KPNA5: variants seen among roughly 807,000 people sequenced by gnomAD.
KPNA5 encodes the protein importin subunit alpha-6.
A neutral mutation model predicts 71.3 loss-of-function variants in KPNA5; 46 were observed. That is an observed-to-expected ratio of 0.65 (90% confidence interval 0.51 to 0.83). The LOEUF (loss-of-function observed/expected upper bound fraction) is 0.83. KPNA5 is among the 40% of genes least tolerant of loss of function. KPNA5 has a pLI of 0.00. For missense variants in KPNA5, 547 were observed against 628.3 expected, an observed-to-expected ratio of 0.87 and a Z score of 1.38; for synonymous variants, 207 against 201.4, an observed-to-expected ratio of 1.03 and a Z score of -0.24.
intron 7 of KPNA5, among the ~76,000 whole-genome samples, chr6:116,705,771 A>G (rs886582779): frequency 6.6e-6 from 1 of 152,218 alleles, no homozygotes. Flanking sequence ...GAAGAAAAAT[A>G]CTAATCGAGG....
intron 7 of KPNA5, among the ~76,000 whole-genome samples, chr6:116,710,285 T>C (rs1313461613): frequency 6.6e-6 from 1 of 152,168 alleles, no homozygotes; most frequent in African/African-American, 2.4e-5. Flanking sequence ...TGTATGTATA[T>C]TCCGAAGAAA....
chr6:116,726,744 T>C, intron 12 of KPNA5, 122 bp downstream of exon 12: 1 of 887,482 alleles, frequency 1.1e-6, no homozygotes, highest in Non-Finnish European at 1.6e-6. Context: ...TAATATGAAA[T>C]GACAGCATGT....
intron 7 of KPNA5, among the ~76,000 whole-genome samples, chr6:116,715,784 C>G (rs1358401953): frequency 3.3e-5 from 5 of 151,910 alleles, no homozygotes; most frequent in Non-Finnish European, 1.5e-5. Context: ...GGCGTGGTGG[C>G]AGGCGCCTGT....
At chr6:116,701,905 A>G (rs1778244962) in intron 5 of KPNA5, 114 bp from the exon 6 acceptor site, 2 of 824,856 alleles carry the variant, frequency 2.4e-6, no homozygotes, top group South Asian at 2.1e-5. Context: ...GAATCTTAAT[A>G]TAAGTCAGTC....
At position 116,741,282 on chromosome 6, in the gene KPNA5, A is replaced by C. The variant is rs71570819; in HGVS notation, c.*8959A>C. 6.6e-6 allele frequency: 1 copy of C among 152,146 alleles called. No individual in the cohort carries two copies. Among genetic ancestry groups the C allele is most frequent in the Non-Finnish European group, 1.5e-5 (1 of 68,024 alleles). 9.4% of individuals were successfully genotyped at this position (152,146 alleles called of 1,614,324 possible). A position where few individuals can be genotyped will look rare whatever the true frequency, so the allele number is the denominator to read the frequency against. ...ATGATTGGTGGATTTTGAATTTTCC[A>C]TATAGTTCTGACGATTTTTTTGTGT... On this transcript the variant is annotated 3_prime_UTR_variant, in exon 14 of 14. Coordinates refer to ENST00000368564, the MANE Select transcript of KPNA5 (RefSeq NM_001366306.2).
chr6:116,716,122 T>A (rs180969682), intron 7 of KPNA5, 97 bp from the exon 8 acceptor site: 1 of 849,102 alleles, frequency 1.2e-6, no homozygotes, highest in Non-Finnish European at 1.9e-6. Flanking sequence ...AGTTTGAATA[T>A]CTTATAAAAT....
At chr6:116,723,992 T>C (rs558058920) in intron 9 of KPNA5, among the ~76,000 whole-genome samples, 1 of 152,260 alleles carries the variant, frequency 6.6e-6, no homozygotes, top group East Asian at 1.9e-4. Flanking sequence ...AGCCAAAGTA[T>C]ATAACCTGGG....
At chr6:116,725,899 A>G (rs746755754) in intron 11 of KPNA5, 23 bp downstream of exon 11, 2 of 1,605,092 alleles carry the variant, frequency 1.2e-6, no homozygotes, top group Admixed American at 3.5e-5. Flanking sequence ...CAGATCTGAG[A>G]GTAGAACAGC....
chr6:116,740,355 A>G lies in KPNA5; in HGVS notation c.*8032A>G, dbSNP rs921882398. 5 of 152,126 alleles carry G rather than the reference A, an allele frequency of 3.3e-5. No homozygotes were observed. Among genetic ancestry groups the G allele is most frequent in the African/African-American group, 1.2e-4 (5 of 41,438 alleles). The allele number at this position is 152,126 out of a possible 1,614,324, so 9.4% of individuals were successfully genotyped here. The stretch of plus-strand genomic sequence containing the variant: ...AAAGTCAGGAAACAACAGGTGCTGG[A>G]GAGGATGTGGAGAAATAGGAACACT... On this transcript the variant is annotated 3_prime_UTR_variant, in exon 14 of 14. Transcript: ENST00000368564.
chr6:116,699,800 T>C (rs569118154), intron 5 of KPNA5, among the ~76,000 whole-genome samples: 3 of 152,272 alleles, frequency 2.0e-5, no homozygotes, highest in East Asian at 3.9e-4. Flanking sequence ...TTAATTCCAA[T>C]TGAATGAAAG....
intron 5 of KPNA5, 44 bp downstream of exon 5, chr6:116,698,842 AT>A (rs1171306817): frequency 2.6e-6 from 3 of 1,166,774 alleles, no homozygotes; most frequent in Non-Finnish European, 3.7e-6. Flanking sequence ...TAGAAATGAC[AT>A]GTTAAAGTTT....
chr6:116,729,870 C>G (rs377081503), intron 13 of KPNA5, 129 bp downstream of exon 13: 19 of 495,488 alleles, frequency 3.8e-5, no homozygotes, highest in African/African-American at 2.0e-4. Flanking sequence ...AAATGTCACC[C>G]GTAATTTTAT....
At position 116,736,516 on chromosome 6, in the gene KPNA5, G is replaced by A. The variant is rs976457879; in HGVS notation, c.*4193G>A. On this transcript the variant is annotated 3_prime_UTR_variant, in exon 14 of 14. Coordinates refer to ENST00000368564, the MANE Select transcript of KPNA5 (RefSeq NM_001366306.2). The stretch of plus-strand genomic sequence containing the variant: ...TTTCAAGTGCTCAGTAGGGAGTGCA[G>A]GGCTACAGTATGTTTTTTAAATCAC... 5.9e-5 allele frequency: 9 copies of A among 151,980 alleles called. No homozygotes were observed. Among genetic ancestry groups the A allele is most frequent in the Non-Finnish European group, 1.0e-4 (7 of 67,898 alleles). 9.4% of individuals were successfully genotyped at this position (151,980 alleles called of 1,614,324 possible).
rs1779266765 is a variant in KPNA5, at chr6:116,725,799, A to G, written c.1048A>G (p.Ser350Gly). ...ACCCTGTCTCTTACATTTATTGAGT[A>G]GCCCAAAGGAGTCAATTAGAAAAGA... ...ALPCLLHLLS[S>G]PKESIRKEAC... The change falls in exon 11 of 14, where the codon AGC becomes GGC. Residue 350 changes from serine to glycine, a missense_variant. Ser to Gly is a moderately conservative substitution (Grantham distance 56). Transcript: ENST00000368564. 1 of 1,613,242 alleles carries G rather than the reference A, an allele frequency of 6.2e-7. No homozygotes were observed. The highest frequency in any genetic ancestry group is 8.5e-7 in the Non-Finnish European group (1 of 1,179,480).
rs1211890941 is a variant in KPNA5 at position 116,739,002 on chromosome 6, G to C, written c.*6679G>C. On this transcript the variant is annotated 3_prime_UTR_variant, in exon 14 of 14. Coordinates refer to ENST00000368564, the MANE Select transcript of KPNA5 (RefSeq NM_001366306.2). ...ACATAGTGTTGGAAGTTCTGGCCAG[G>C]GCAATTAGGCAGGAGAAGGAAATAA... 6 of 151,354 alleles carry C rather than the reference G, an allele frequency of 4.0e-5. No individual in the cohort carries two copies. Among genetic ancestry groups the C allele is most frequent in the African/African-American group, 1.5e-4 (6 of 41,190 alleles). 9.4% of individuals were successfully genotyped at this position (151,354 alleles called of 1,614,324 possible).
At chr6:116,707,965 C>T (rs1031969961) in intron 7 of KPNA5, among the ~76,000 whole-genome samples, 4 of 152,224 alleles carry the variant, frequency 2.6e-5, no homozygotes, top group African/African-American at 9.6e-5. Flanking sequence ...TCTGTTTTCT[C>T]TCTCTATGTA....
intron 1 of KPNA5, among the ~76,000 whole-genome samples, chr6:116,682,668 A>G (rs1199837246): frequency 6.6e-6 from 1 of 152,234 alleles, no homozygotes; most frequent in Non-Finnish European, 1.5e-5. Flanking sequence ...ATAAGTTCAG[A>G]TTCCAGTTAT....
At chr6:116,693,117 T>C (rs1273959831) in intron 4 of KPNA5, among the ~76,000 whole-genome samples, 1 of 152,206 alleles carries the variant, frequency 6.6e-6, no homozygotes, top group Non-Finnish European at 1.5e-5. Flanking sequence ...TGCCACATTT[T>C]CTTAATCCAG....
At position 116,716,262 on chromosome 6, in the gene KPNA5, G is replaced by A. The variant is rs571235442; in HGVS notation, c.700G>A (p.Val234Met). ...CAGACTCACAACAACAAGAAATGCC[G>A]TGTGGGCCCTCTCAAATTTATGTAG... ...SNRLTTTRNA[V>M]WALSNLCRGK... Residue 234 changes from valine to methionine, a missense_variant, in exon 8 of 14, where the codon GTG (valine) becomes ATG (methionine). Physicochemically the swap from Val to Met is conservative, Grantham distance 21 (BLOSUM62 1). Transcript: ENST00000368564. 2.5e-6 allele frequency: 4 copies of A among 1,613,478 alleles called. No homozygotes were observed. The highest frequency in any genetic ancestry group is 1.7e-5 in the Admixed American group (1 of 59,972).
Sources: allele counts gnomAD v4.1 joint callset (sites outside exome capture counted in the v4.1 genomes callset), GRCh38; gene constraint gnomAD v4.1.1; transcripts MANE v1.5; gene names NCBI Gene and HGNC (gene_info 2026-07-23, HGNC 2026-07-21).